LUZP2: variants seen among roughly 807,000 people sequenced by gnomAD.
LUZP2 encodes the protein leucine zipper protein 2.
LUZP2 carries 52 observed loss-of-function variants against 51.6 expected under a neutral mutation model. The ratio of observed to expected loss-of-function variants is 1.01; its 90% CI spans 0.81 to 1.27. The LOEUF (loss-of-function observed/expected upper bound fraction) is 1.27, where lower values mean the gene tolerates loss of function less well. LUZP2 is among the 50% of genes most tolerant of loss of function. The pLI, the probability that LUZP2 is intolerant of heterozygous loss-of-function variation, is 0.00. For synonymous variants in LUZP2, 154 were observed against 137.3 expected (o/e 1.12, Z -0.85); for missense variants, 436 against 395.4 (o/e 1.10, Z -0.87).
chr11:24,649,622 AT>A (rs1351080173), intron 1 of LUZP2, among the ~76,000 whole-genome samples: 1 of 151,832 alleles, frequency 6.6e-6, no homozygotes, highest in Non-Finnish European at 1.5e-5. Context: ...GCTTTAGGTA[AT>A]TTCCATCAAT....
intron 1 of LUZP2, among the ~76,000 whole-genome samples, chr11:24,654,506 CT>C (rs1264326396): frequency 6.6e-6 from 1 of 152,056 alleles, no homozygotes; most frequent in African/African-American, 2.4e-5. Flanking sequence ...ACTTCCACCC[CT>C]GGGCTCAAGA....
intron 1 of LUZP2, among the ~76,000 whole-genome samples, chr11:24,644,379 C>T (rs1855402091): frequency 6.6e-6 from 1 of 152,154 alleles, no homozygotes; most frequent in Non-Finnish European, 1.5e-5. Context: ...GTACAGCCCA[C>T]TCTGATGCTG....
chr11:24,627,750 A>G (rs12285329), intron 1 of LUZP2, among the ~76,000 whole-genome samples: 35,969 of 152,074 alleles, frequency 0.24, 4,911 homozygotes, highest in African/African-American at 0.37. Context: ...TGAGAGACAG[A>G]CTTTAGAATA....
chr11:25,052,228 G>C (rs1034659486), intron 10 of LUZP2, among the ~76,000 whole-genome samples: 1 of 152,166 alleles, frequency 6.6e-6, no homozygotes, highest in Non-Finnish European at 1.5e-5. Context: ...TACAATGAGT[G>C]ACATAAACCA....
chr11:24,940,525 C>T (rs1346651819), intron 7 of LUZP2, among the ~76,000 whole-genome samples: 7 of 151,948 alleles, frequency 4.6e-5, no homozygotes, highest in Non-Finnish European at 7.4e-5. Flanking sequence ...GGTAAGTAAA[C>T]CTTATGTTTC....
intron 1 of LUZP2, among the ~76,000 whole-genome samples, chr11:24,518,453 TA>T (rs1850546088): frequency 6.6e-6 from 1 of 152,218 alleles, no homozygotes; most frequent in African/African-American, 2.4e-5. Flanking sequence ...GAGGGTGTTT[TA>T]TCCTTTCTGT....
chr11:25,074,527 T>A (rs1859244527), intron 10 of LUZP2, among the ~76,000 whole-genome samples: 1 of 152,166 alleles, frequency 6.6e-6, no homozygotes, highest in African/African-American at 2.4e-5. Context: ...CTCGAATAGT[T>A]GGTTGTGCTA....
At chr11:24,568,732 AAAAG>A (rs1852330413) in intron 1 of LUZP2, among the ~76,000 whole-genome samples, 6 of 152,064 alleles carry the variant, frequency 3.9e-5, no homozygotes, top group Admixed American at 6.6e-5. Context: ...TAAATTATTA[AAAAG>A]AAAGATTTAT....
chr11:25,042,557 A>G (rs146622112), intron 9 of LUZP2, among the ~76,000 whole-genome samples: 3 of 152,280 alleles, frequency 2.0e-5, no homozygotes, highest in African/African-American at 7.2e-5. Context: ...TTTGTTTCCT[A>G]TTGCTGTTGT....
At chr11:24,845,441 A>G (rs1851169969) in intron 5 of LUZP2, among the ~76,000 whole-genome samples, 1 of 152,122 alleles carries the variant, frequency 6.6e-6, no homozygotes, top group African/African-American at 2.4e-5. Context: ...TGGACTGTAG[A>G]CTTTTCAGTT....
chr11:24,549,690 C>G (rs1174268906), intron 1 of LUZP2, among the ~76,000 whole-genome samples: 1 of 152,018 alleles, frequency 6.6e-6, no homozygotes, highest in Non-Finnish European at 1.5e-5. Context: ...AATTATTCAG[C>G]TCCATTGTAA....
chr11:24,679,493 A>G (rs1404154146), intron 1 of LUZP2, among the ~76,000 whole-genome samples: 1 of 152,174 alleles, frequency 6.6e-6, no homozygotes, highest in Non-Finnish European at 1.5e-5. Context: ...CAAATTGTTG[A>G]ATAAAACCAC....
intron 6 of LUZP2, among the ~76,000 whole-genome samples, chr11:24,912,739 G>A (rs1853675145): frequency 6.6e-6 from 1 of 152,100 alleles, no homozygotes. Flanking sequence ...GAACCAAGGA[G>A]GCGGAGGTTG....
chr11:24,750,480 A>C (rs1343112949), intron 4 of LUZP2, among the ~76,000 whole-genome samples: 1 of 152,232 alleles, frequency 6.6e-6, no homozygotes, highest in Non-Finnish European at 1.5e-5. Flanking sequence ...ATTGTAAAAC[A>C]CAGCTGATGT....
At chr11:24,670,347 C>A (rs1478979428) in intron 1 of LUZP2, among the ~76,000 whole-genome samples, 1 of 152,004 alleles carries the variant, frequency 6.6e-6, no homozygotes, top group Non-Finnish European at 1.5e-5. Flanking sequence ...GTCACAGCCA[C>A]TACAAGTTAA....
chr11:24,887,273 G>C (rs746992741), intron 5 of LUZP2, among the ~76,000 whole-genome samples: 1 of 152,120 alleles, frequency 6.6e-6, no homozygotes, highest in Non-Finnish European at 1.5e-5. Context: ...CAATTCAAAA[G>C]GTTTTCTACT....
chr11:24,822,471 A>C (rs1850389976), intron 5 of LUZP2, among the ~76,000 whole-genome samples: 1 of 152,104 alleles, frequency 6.6e-6, no homozygotes, highest in African/African-American at 2.4e-5. Context: ...CATTAGGTGA[A>C]AGTCCCTCTT....
At chr11:24,529,589 A>T (rs965709873) in intron 1 of LUZP2, among the ~76,000 whole-genome samples, 9 of 151,042 alleles carry the variant, frequency 6.0e-5, no homozygotes, top group Non-Finnish European at 1.2e-4. Flanking sequence ...GTTAGGAATC[A>T]ATAAGAATAA....
intron 1 of LUZP2, among the ~76,000 whole-genome samples, chr11:24,512,812 C>T (rs1394777894): frequency 3.3e-5 from 5 of 150,728 alleles, no homozygotes; most frequent in African/African-American, 9.8e-5. Context: ...TGCAGTGGCA[C>T]GATCTCAGCT....
Sources: gnomAD v4.1 joint callset for allele counts (sites outside exome capture counted in the v4.1 genomes callset) on GRCh38, gnomAD v4.1.1 for gene constraint, MANE v1.5 for transcripts, NCBI Gene and HGNC (gene_info 2026-07-23, HGNC 2026-07-21) for gene names.